Variants in CSMD1 observed in about 807,000 individuals in gnomAD.
The protein encoded by CSMD1 is CUB and Sushi multiple domains 1, also known as CUB and sushi domain-containing protein 1.
In CSMD1, 213 loss-of-function variants were observed where a neutral mutation model predicts 417.5. The observed-to-expected ratio is 0.51, with a 90% confidence interval of 0.46 to 0.57. The LOEUF is 0.57. Among genes scored for constraint, CSMD1 ranks in the 20% least tolerant of loss-of-function variants. The pLI is 0.00. For missense variants in CSMD1, 6,923 were observed against 4,529.7 expected (o/e 1.53, Z -15.17); for synonymous variants, 2,862 against 1,736.8 (o/e 1.65, Z -16.11).
At chr8:3,147,759 A>C (rs904279314) in intron 40 of CSMD1, among the ~76,000 whole-genome samples, 18 of 152,206 alleles carry the variant, frequency 1.2e-4, no homozygotes, top group African/African-American at 3.9e-4. Context: ...TGAAATTTCC[A>C]GTGATACTTC....
intron 4 of CSMD1, among the ~76,000 whole-genome samples, chr8:4,021,149 T>G (rs1250253704): frequency 6.6e-6 from 1 of 152,208 alleles, no homozygotes; most frequent in Non-Finnish European, 1.5e-5. Flanking sequence ...TGTATGCAGC[T>G]CATGAGCACG....
intron 1 of CSMD1, among the ~76,000 whole-genome samples, chr8:4,975,094 C>A (rs550304681): frequency 2.7e-4 from 41 of 152,184 alleles, no homozygotes; most frequent in Admixed American, 2.2e-3. Context: ...CATTTATCTA[C>A]CAAGAAGGGC....
rs182509700 is a variant in CSMD1 at position 4,516,620 on chromosome 8, G to A, written c.303-96555C>T. On this transcript the variant is annotated intron_variant, in intron 2 of 69. Transcript: ENST00000635120. Reference sequence around the variant, plus strand: ...GGGTCTCCCTTCTCATGCAAGCATCGCCTGATAAAACCTGTTGTGTGATCC... The same window carrying A: ...GGGTCTCCCTTCTCATGCAAGCATCACCTGATAAAACCTGTTGTGTGATCC... Among the ~76,000 whole-genome samples, 424 of 152,140 alleles carry A rather than the reference G, an allele frequency of 2.8e-3. 2 individuals are homozygous for A. Among genetic ancestry groups the A allele is most frequent in the Non-Finnish European group, 4.0e-3 (273 of 68,010 alleles).
In CSMD1 at chr8:4,412,536, C is replaced by T. The variant is rs140405311; in HGVS notation, c.415+7417G>A. Among the ~76,000 whole-genome samples the T allele has an allele frequency of 1.7e-3, 253 of 152,222 alleles. 2 individuals carry two copies. In the East Asian group the frequency reaches 0.021, roughly 13 times the overall value. On this transcript the variant is annotated intron_variant, in intron 3 of 69. Coordinates refer to ENST00000635120, the MANE Select transcript of CSMD1 (RefSeq NM_033225.6). The stretch of plus-strand genomic sequence containing the variant: ...TTACACCTATTTTATCGGAAAATTA[C>T]CCAGTCTCCGGTATTTCTTTATACT...
chr8:3,207,241 G>C (rs191845232), intron 30 of CSMD1, among the ~76,000 whole-genome samples: 1 of 147,976 alleles, frequency 6.8e-6, no homozygotes, highest in Non-Finnish European at 1.5e-5. Context: ...CCGCCACCCG[G>C]GTTCAAACGA....
chr8:4,382,995 T>G (rs1395262798), intron 3 of CSMD1, among the ~76,000 whole-genome samples: 1 of 152,208 alleles, frequency 6.6e-6, no homozygotes, highest in Non-Finnish European at 1.5e-5. Flanking sequence ...CACCATCGTC[T>G]GTATATCAGC....
intron 49 of CSMD1, among the ~76,000 whole-genome samples, chr8:3,064,600 AAAG>A (rs1812796849): frequency 6.6e-6 from 1 of 152,228 alleles, no homozygotes; most frequent in African/African-American, 2.4e-5. Context: ...CACAGAAAAT[AAAG>A]AAGAAATAAA....
chr8:3,911,183 A>G (rs906465312), intron 5 of CSMD1, among the ~76,000 whole-genome samples: 1 of 152,154 alleles, frequency 6.6e-6, no homozygotes, highest in African/African-American at 2.4e-5. Flanking sequence ...CTGCTTCCAG[A>G]CGGGTCTCTG....
At chr8:4,050,077 T>C (rs1381347207) in intron 3 of CSMD1, among the ~76,000 whole-genome samples, 2 of 152,168 alleles carry the variant, frequency 1.3e-5, no homozygotes, top group African/African-American at 2.4e-5. Flanking sequence ...TCTGGTGTTT[T>C]CTCACAGTGC....
Position 3,538,040 on chromosome 8 carries a change from C to G in CSMD1, c.1344+36905G>C, listed in dbSNP as rs142250838. 3.3e-5 allele frequency among the ~76,000 whole-genome samples: 5 copies of G among 152,308 alleles called. No individual in the cohort carries two copies. In the East Asian group the frequency reaches 9.6e-4, roughly 29 times the overall value. On this transcript the variant is annotated intron_variant, in intron 10 of 69. Transcript: ENST00000635120. ...CAAGACTGTGGTAAACCCTTTTATGCTAGATGTGCAGAACCTGATGGTCAA... is the reference window on the plus strand; with the variant it reads ...CAAGACTGTGGTAAACCCTTTTATGGTAGATGTGCAGAACCTGATGGTCAA...
chr8:3,736,747 C>T (rs1051570396), intron 6 of CSMD1, among the ~76,000 whole-genome samples: 2 of 152,202 alleles, frequency 1.3e-5, no homozygotes, highest in African/African-American at 2.4e-5. Context: ...TCACCTTTAC[C>T]AATCATTAGG....
intron 2 of CSMD1, among the ~76,000 whole-genome samples, chr8:4,465,008 C>G (rs1477613706): frequency 6.6e-6 from 1 of 152,056 alleles, no homozygotes; most frequent in Non-Finnish European, 1.5e-5. Context: ...CAGGAGCTAC[C>G]TTGGGAAAGG....
chr8:3,791,240 G>A (rs2129067660), intron 5 of CSMD1, among the ~76,000 whole-genome samples: 1 of 152,280 alleles, frequency 6.6e-6, no homozygotes, highest in East Asian at 1.9e-4. Flanking sequence ...TGCTTTTAGA[G>A]ATTCTATAAT....
chr8:4,461,605 C>T (rs1799823623), intron 2 of CSMD1, among the ~76,000 whole-genome samples: 1 of 151,860 alleles, frequency 6.6e-6, no homozygotes, highest in African/African-American at 2.4e-5. Flanking sequence ...GTCTGAAATG[C>T]AGTGGTACAA....
chr8:4,611,280 C>G (rs926934537), intron 2 of CSMD1, among the ~76,000 whole-genome samples: 6 of 152,122 alleles, frequency 3.9e-5, no homozygotes, highest in African/African-American at 1.2e-4. Context: ...TTGTGAAAAC[C>G]TTTTCATACC....
intron 1 of CSMD1, among the ~76,000 whole-genome samples, chr8:4,715,781 C>T (rs1057027526): frequency 2.6e-5 from 4 of 152,130 alleles, no homozygotes; most frequent in Admixed American, 6.6e-5. Context: ...TTATCTCCCC[C>T]TTCAAAACGA....
chr8:3,369,864 T>C (rs1809838697), intron 18 of CSMD1, among the ~76,000 whole-genome samples: 1 of 152,226 alleles, frequency 6.6e-6, no homozygotes, highest in African/African-American at 2.4e-5. Flanking sequence ...TCAACTCTGA[T>C]GTTAGAAAGT....
chr8:3,982,197 A>AAT (rs199836458), intron 5 of CSMD1, among the ~76,000 whole-genome samples: 2 of 105,540 alleles, frequency 1.9e-5, no homozygotes, highest in African/African-American at 7.3e-5. Flanking sequence ...TAATATTAAT[A>AAT]AAAAAAATAA....
At chr8:3,586,341 T>C in intron 8 of CSMD1, 81 bp from the exon 9 acceptor site, 4 of 1,320,594 alleles carry the variant, frequency 3.0e-6, no homozygotes, top group Middle Eastern at 1.9e-4. Context: ...ATCAGCAAAA[T>C]GGCTGCTACG....
Sources: gnomAD v4.1 joint callset for allele counts (sites outside exome capture counted in the v4.1 genomes callset) on GRCh38, gnomAD v4.1.1 for gene constraint, MANE v1.5 for transcripts, NCBI Gene and HGNC (gene_info 2026-07-23, HGNC 2026-07-21) for gene names.